The following IBTK variants were observed in gnomAD, a reference collection of about 807,000 sequenced individuals.
IBTK encodes the protein BTK-binding protein.
IBTK carries 83 observed loss-of-function variants against 154.9 expected under a neutral mutation model. The ratio of observed to expected loss-of-function variants is 0.54; its 90% CI spans 0.45 to 0.64. The LOEUF (loss-of-function observed/expected upper bound fraction) is 0.64, where lower values mean the gene tolerates loss of function less well. Ranked by LOEUF, IBTK falls within the 30% of genes least tolerant of loss-of-function variation. IBTK has a pLI of 0.00. For synonymous variants in IBTK, 515 were observed against 536.1 expected (o/e 0.96, Z 0.54); for missense variants, 1,332 against 1,584.6 (o/e 0.84, Z 2.71).
chr6:82,233,423 T>C lies in IBTK; in HGVS notation c.418+736A>G, dbSNP rs189641416. On this transcript the variant is annotated intron_variant, in intron 3 of 28. Transcript: ENST00000306270. ...ACATTCCTTTTTCCTTCTACCTCAA[T>C]GCTGATGTTACTTTCTGAGTATATA... Among the ~76,000 whole-genome samples the C allele has an allele frequency of 2.1e-3, 322 of 152,286 alleles. 3 individuals are homozygous for C. The highest frequency in any genetic ancestry group is 3.1e-3 in the Non-Finnish European group (212 of 68,002).
chr6:82,225,912 A>G (rs991142578), intron 5 of IBTK, among the ~76,000 whole-genome samples: 3 of 152,208 alleles, frequency 2.0e-5, no homozygotes, highest in Non-Finnish European at 4.4e-5. Flanking sequence ...GCCCTTACCA[A>G]GTGCAAATTT....
At chr6:82,196,161 T>G (rs746265773) in intron 22 of IBTK, 137 bp downstream of exon 22, 4 of 672,152 alleles carry the variant, frequency 6.0e-6, no homozygotes, top group Non-Finnish European at 9.4e-6. Flanking sequence ...TTAAGAAAAC[T>G]AACACTATAT....
chr6:82,227,803 T>C (rs182839948), intron 4 of IBTK, among the ~76,000 whole-genome samples: 66 of 152,146 alleles, frequency 4.3e-4, no homozygotes, highest in African/African-American at 1.6e-3. Context: ...TTTCTTTATC[T>C]TTGGTTTTAT....
intron 26 of IBTK, 97 bp downstream of exon 26, chr6:82,181,782 T>G: frequency 1.2e-6 from 1 of 809,558 alleles, no homozygotes; most frequent in South Asian, 2.2e-5. Context: ...GTACAAAAAA[T>G]CTGCCTCATA....
intron 22 of IBTK, among the ~76,000 whole-genome samples, chr6:82,195,819 T>G (rs1242969630): frequency 6.6e-6 from 1 of 152,196 alleles, no homozygotes; most frequent in Non-Finnish European, 1.5e-5. Flanking sequence ...AGGCTAGGAA[T>G]CCTGCAGCTT....
chr6:82,201,627 C>G (rs1051198013), intron 18 of IBTK, 145 bp from the exon 19 acceptor site: 1 of 498,394 alleles, frequency 2.0e-6, no homozygotes, highest in Non-Finnish European at 3.6e-6. Flanking sequence ...CTACAAATTC[C>G]TTTTGGAAAT....
At chr6:82,186,003 T>C (rs1279545461) in intron 25 of IBTK, among the ~76,000 whole-genome samples, 2 of 152,202 alleles carry the variant, frequency 1.3e-5, no homozygotes, top group Non-Finnish European at 2.9e-5. Context: ...GTATTTCTCC[T>C]GGTATTTCAA....
At chr6:82,205,703 T>C (rs1769382567) in intron 16 of IBTK, 1 of 152,128 alleles carries the variant, frequency 6.6e-6, no homozygotes, top group South Asian at 2.1e-4. Context: ...GAGGCAGAGG[T>C]TGCAATGAGA....
chr6:82,191,162 T>C lies in IBTK; in HGVS notation c.3486A>G (p.Ala1162=). Residue 1162 remains alanine, a synonymous_variant, in exon 25 of 29, where the codon GCA becomes GCG. Transcript: ENST00000306270. ...CTGAATTGTTTTCCTTGGTAGTCAA[T>C]GCAATCATTTTTCGTTGCTTCTGAG... ...KLSQKQRKMI[A]LTTKENNSGM... The C allele has an allele frequency of 1.2e-6, 2 of 1,609,802 alleles. No homozygotes were observed. The highest frequency in any genetic ancestry group is 1.1e-5 in the South Asian group (1 of 90,304).
chr6:82,187,612 T>C (rs1158310267), intron 25 of IBTK, among the ~76,000 whole-genome samples: 1 of 138,604 alleles, frequency 7.2e-6, no homozygotes, highest in Non-Finnish European at 1.7e-5. Flanking sequence ...TGTCGCCGAG[T>C]GGACAAAAAG....
At chr6:82,247,202 G>A (rs1173465262) in intron 1 of IBTK, among the ~76,000 whole-genome samples, 2 of 152,232 alleles carry the variant, frequency 1.3e-5, no homozygotes, top group African/African-American at 2.4e-5. Flanking sequence ...TAAGGAACAT[G>A]AGCGCCCACA....
At chr6:82,173,514 G>A (rs1768006300) in intron 26 of IBTK, 76 bp from the exon 27 acceptor site, 13 of 1,248,626 alleles carry the variant, frequency 1.0e-5, no homozygotes, top group East Asian at 7.0e-5. Context: ...TAGATACAGA[G>A]GAAGAATTGT....
intron 17 of IBTK, among the ~76,000 whole-genome samples, chr6:82,203,893 T>G (rs1459070885): frequency 6.6e-6 from 1 of 152,150 alleles, no homozygotes; most frequent in Non-Finnish European, 1.5e-5. Context: ...CAGTCTACAG[T>G]GCTCAAGAAA....
chr6:82,191,028 C>T (rs567183457), intron 25 of IBTK, 45 bp downstream of exon 25: 8 of 1,395,680 alleles, frequency 5.7e-6, no homozygotes, highest in Middle Eastern at 2.0e-4. Flanking sequence ...ACCTTAAAAG[C>T]AAATGCACAA....
chr6:82,230,579 G>C (rs1770467474), intron 4 of IBTK, among the ~76,000 whole-genome samples: 1 of 152,132 alleles, frequency 6.6e-6, no homozygotes, highest in African/African-American at 2.4e-5. Context: ...GAACTAAATA[G>C]ACATGCTCTG....
chr6:82,203,591 A>G (rs1465078810), intron 17 of IBTK, among the ~76,000 whole-genome samples: 2 of 152,150 alleles, frequency 1.3e-5, no homozygotes, highest in East Asian at 3.9e-4. Context: ...AGTTGTTCAC[A>G]TGGGAACAAG....
At position 82,202,144 on chromosome 6, in the gene IBTK, T is replaced by C. The variant is rs143926354; in HGVS notation, c.2729+384A>G. Among the ~76,000 whole-genome samples the C allele has an allele frequency of 1.3e-3, 204 of 152,306 alleles. 2 individuals carry two copies. In the East Asian group the frequency reaches 0.032, roughly 24 times the overall value. ...AGAACACCGTCTAGCACATAGTTAA[T>C]AGTCATTACTACTGAAGTAAAATAT... On this transcript the variant is annotated intron_variant, in intron 18 of 28. Transcript: ENST00000306270.
intron 16 of IBTK, among the ~76,000 whole-genome samples, 196 bp downstream of exon 16, chr6:82,210,618 A>G (rs940007695): frequency 1.2e-4 from 18 of 152,110 alleles, no homozygotes; most frequent in African/African-American, 3.9e-4. Context: ...TGAGCCTAGG[A>G]GTTTGAGACT....
At chr6:82,208,306 G>A (rs375394972) in intron 16 of IBTK, among the ~76,000 whole-genome samples, 9 of 151,816 alleles carry the variant, frequency 5.9e-5, no homozygotes, top group African/African-American at 1.9e-4. Context: ...CGACTGGGGG[G>A]GGAATTAACT....
Sources: allele counts gnomAD v4.1 joint callset (sites outside exome capture counted in the v4.1 genomes callset), GRCh38; gene constraint gnomAD v4.1.1; transcripts MANE v1.5; gene names NCBI Gene and HGNC (gene_info 2026-07-23, HGNC 2026-07-21).